WASHC2A: variants seen among roughly 807,000 people sequenced by gnomAD.
WASHC2A encodes the protein WASH complex subunit FAM21A.
WASHC2A carries 82 observed loss-of-function variants against 140.3 expected under a neutral mutation model. That is an observed-to-expected ratio of 0.58 (90% confidence interval 0.49 to 0.70). WASHC2A has a LOEUF of 0.70. WASHC2A is among the 30% of genes least tolerant of loss of function. The pLI is 0.00. For synonymous variants in WASHC2A, 340 were observed against 560.8 expected (o/e 0.61, Z 5.56); for missense variants, 985 against 1,521.8 (o/e 0.65, Z 5.87).
chr10:50,103,171 C>G (rs1416055028), intron 17 of WASHC2A, among the ~76,000 whole-genome samples: 1 of 151,904 alleles, frequency 6.6e-6, no homozygotes, highest in African/African-American at 2.4e-5. Context: ...TAGAATCTAT[C>G]AGGTCTTATC....
At chr10:50,091,976 A>G (rs1839974361) in intron 10 of WASHC2A, among the ~76,000 whole-genome samples, 186 bp from the exon 11 acceptor site, 1 of 152,270 alleles carries the variant, frequency 6.6e-6, no homozygotes. Context: ...CTTCTGCCTT[A>G]CAAAGAGACT....
intron 3 of WASHC2A, among the ~76,000 whole-genome samples, chr10:50,077,073 C>T (rs1838411891): frequency 6.7e-6 from 1 of 148,866 alleles, no homozygotes; most frequent in South Asian, 2.1e-4. Flanking sequence ...GCCGAGATCG[C>T]ACCACTGCAC....
At position 50,077,398 on chromosome 10, in the gene WASHC2A, G is replaced by A. The variant is rs797044029; in HGVS notation, c.292-1277G>A. Among the ~76,000 whole-genome samples the A allele has an allele frequency of 3.7e-3, 557 of 152,212 alleles. 24 individuals are homozygous for A. In the South Asian group the frequency reaches 0.08, roughly 22 times the overall value. ...CCTCAGGAAATGAGCATACACACCAGGCTTAAATTGGGTATTCCAAGGATC... is the reference window on the plus strand; with the variant it reads ...CCTCAGGAAATGAGCATACACACCAAGCTTAAATTGGGTATTCCAAGGATC... On this transcript the variant is annotated intron_variant, in intron 3 of 30. Coordinates refer to ENST00000282633, the MANE Select transcript of WASHC2A (RefSeq NM_001005751.3).
intron 23 of WASHC2A, among the ~76,000 whole-genome samples, chr10:50,124,187 C>T (rs1276808449): frequency 6.6e-6 from 1 of 152,056 alleles, no homozygotes; most frequent in Non-Finnish European, 1.5e-5. Context: ...CCACTGCAGC[C>T]TCTGCCTCCC....
intron 23 of WASHC2A, among the ~76,000 whole-genome samples, chr10:50,120,534 T>G (rs1258899911): frequency 2.5e-5 from 3 of 119,424 alleles, no homozygotes; most frequent in Non-Finnish European, 5.1e-5. Flanking sequence ...GCAGAAGAAT[T>G]GCTTGAACCA....
In WASHC2A at chr10:50,107,772, A is replaced by C. The variant is rs1211686764; in HGVS notation, c.1869+1307A>C. 2.8e-5 allele frequency among the ~76,000 whole-genome samples: 4 copies of C among 141,676 alleles called. No homozygotes were observed. In the Admixed American group the frequency reaches 2.9e-4, roughly 10 times the overall value. 92.9% of individuals were successfully genotyped at this position (141,676 alleles called of 152,430 possible). A position where few individuals can be genotyped will look rare whatever the true frequency, so the allele number is the denominator to read the frequency against. Reference sequence around the variant, plus strand: ...CCTTGTCTCTATTAAAAATACAAAAAAATTAGCAGGTTGTGGTGGCGCATG... The same window carrying C: ...CCTTGTCTCTATTAAAAATACAAAACAATTAGCAGGTTGTGGTGGCGCATG... On this transcript the variant is annotated intron_variant, in intron 19 of 30. Transcript: ENST00000282633.
At chr10:50,077,616 T>A (rs1165343507) in intron 3 of WASHC2A, among the ~76,000 whole-genome samples, 1 of 152,166 alleles carries the variant, frequency 6.6e-6, no homozygotes, top group Non-Finnish European at 1.5e-5. Flanking sequence ...GCCAGAAGAT[T>A]TTCATCAGTT....
Position 50,125,029 on chromosome 10 carries a change from G to A in WASHC2A, c.2479-84G>A. ...TAATACAGCTGCAGGGGACATCTTT[G>A]TTGTGTCCATCTTTACATATGTAAC... is the stretch of plus-strand genomic sequence containing the variant. On this transcript the variant is annotated intron_variant, in intron 23 of 30. Transcript: ENST00000282633. 2.0e-6 allele frequency: 3 copies of A among 1,491,490 alleles called. No homozygotes were observed. In the South Asian group the frequency reaches 4.1e-5, roughly 21 times the overall value. 92.4% of individuals were successfully genotyped at this position (1,491,490 alleles called of 1,614,324 possible).
chr10:50,120,133 G>A (rs1842907514), intron 23 of WASHC2A, among the ~76,000 whole-genome samples: 1 of 144,360 alleles, frequency 6.9e-6, no homozygotes, highest in South Asian at 2.2e-4. Flanking sequence ...AAGTGTTGTA[G>A]ATGAACCTTT....
intron 8 of WASHC2A, among the ~76,000 whole-genome samples, chr10:50,090,515 A>AAAAAAAAAATATATATATATAT (rs1214596899): frequency 1.8e-5 from 2 of 108,762 alleles, no homozygotes; most frequent in African/African-American, 6.5e-5. Context: ...AAAAAAAAAA[A>AAAAAAAAAATATATATATATAT]ATATATATAT....
intron 29 of WASHC2A, among the ~76,000 whole-genome samples, 170 bp from the exon 30 acceptor site, chr10:50,130,731 C>T (rs1256308930): frequency 7.9e-5 from 12 of 152,252 alleles, no homozygotes; most frequent in African/African-American, 1.4e-4. Context: ...GTGAGATGGG[C>T]GGGCCAAGCT....
intron 3 of WASHC2A, among the ~76,000 whole-genome samples, chr10:50,073,358 A>C (rs1430939585): frequency 6.6e-6 from 1 of 152,154 alleles, no homozygotes; most frequent in Non-Finnish European, 1.5e-5. Context: ...GAAAAGCCAG[A>C]TCTTGGCAAT....
rs1839475156 is a variant in WASHC2A, at chr10:50,087,331, C to T, written c.732+9C>T. 2.5e-6 allele frequency: 4 copies of T among 1,613,898 alleles called. No homozygotes were observed. The highest frequency in any genetic ancestry group is 1.7e-5 in the Admixed American group (1 of 60,012). ...ACAATGAACAAAACCGGGTAAGGCT[C>T]ATATATTGAAATGACTTTGTTTTTA... On this transcript the variant is annotated intron_variant, in intron 8 of 30. Transcript: ENST00000282633.
chr10:50,090,477 TG>T (rs1159678205), intron 8 of WASHC2A, among the ~76,000 whole-genome samples: 1 of 114,232 alleles, frequency 8.8e-6, no homozygotes, highest in Non-Finnish European at 2.0e-5. Context: ...CACTCCAGCC[TG>T]GGCCACAGAG....
Position 50,084,087 on chromosome 10 carries a change from C to T in WASHC2A, c.544C>T (p.Arg182Cys), listed in dbSNP as rs1442619139. ...ILEPKDLYIDRPLPYLIGSKL... is the reference protein window; with the variant it reads ...ILEPKDLYIDCPLPYLIGSKL... ...TGATGTACAGGATCTATACATTGAT[C>T]GTCCTTTACCATATCTCATTGGGTC... Residue 182 changes from arginine to cysteine, a missense_variant, in exon 6 of 31, where the codon CGT (arginine) becomes TGT (cysteine). Arg to Cys is a radical substitution (Grantham distance 180, BLOSUM62 -3). Transcript: ENST00000282633. 1.1e-5 allele frequency: 18 copies of T among 1,611,426 alleles called. No individual in the cohort carries two copies. The highest frequency in any genetic ancestry group is 3.3e-5 in the South Asian group (3 of 90,954).
intron 20 of WASHC2A, among the ~76,000 whole-genome samples, chr10:50,113,392 A>G (rs1842440663): frequency 1.3e-5 from 2 of 151,636 alleles, no homozygotes; most frequent in African/African-American, 4.8e-5. Flanking sequence ...AGTAAATACA[A>G]GGTGAATTTT....
chr10:50,129,580 C>T lies in WASHC2A; in HGVS notation c.3249C>T (p.Leu1083=). ...AISPNGHRPQ[L]RAASGEDSTE... ...CCCCAAATGGCCATCGGCCACAGCT[C>T]AGAGCAGCCAGTGGAGAAGACAGCA... is the stretch of plus-strand genomic sequence containing the variant. The change falls in exon 29 of 31, where the codon CTC becomes CTT. Residue 1083 remains leucine, a synonymous_variant. Coordinates refer to ENST00000282633, the MANE Select transcript of WASHC2A (RefSeq NM_001005751.3). 4 of 1,612,056 alleles carry T rather than the reference C, an allele frequency of 2.5e-6. No individual in the cohort carries two copies. Among genetic ancestry groups the T allele is most frequent in the Non-Finnish European group, 3.4e-6 (4 of 1,179,868 alleles).
intron 29 of WASHC2A, 129 bp downstream of exon 29, chr10:50,130,168 A>G: frequency 8.2e-7 from 1 of 1,223,564 alleles, no homozygotes; most frequent in African/African-American, 1.5e-5. Flanking sequence ...AGTAATTATA[A>G]TTAGGCTCTT....
chr10:50,124,956 A>G (rs1554894427), intron 23 of WASHC2A, among the ~76,000 whole-genome samples, 157 bp from the exon 24 acceptor site: 1 of 148,372 alleles, frequency 6.7e-6, no homozygotes, highest in African/African-American at 2.5e-5. Context: ...TCAATGTTTC[A>G]TTCCCCTACT....
Sources: allele counts gnomAD v4.1 joint callset (sites outside exome capture counted in the v4.1 genomes callset), GRCh38; gene constraint gnomAD v4.1.1; transcripts MANE v1.5; gene names NCBI Gene and HGNC (gene_info 2026-07-23, HGNC 2026-07-21).